CATSPERD: variants seen among roughly 807,000 people sequenced by gnomAD.
CATSPERD encodes catsper channel auxiliary subunit delta.
In CATSPERD, 86 loss-of-function variants were observed where a neutral mutation model predicts 98.1. The ratio of observed to expected loss-of-function variants is 0.88; its 90% CI spans 0.74 to 1.05. CATSPERD has a LOEUF of 1.05. CATSPERD is among the 50% of genes least tolerant of loss of function. The probability of loss-of-function intolerance (pLI) is 0.00; values close to 1 mark genes in which losing one functional copy is unlikely to be tolerated. For synonymous variants in CATSPERD, 394 were observed against 390.2 expected, an observed-to-expected ratio of 1.01 and a Z score of -0.12; for missense variants, 995 against 1,005.7, an observed-to-expected ratio of 0.99 and a Z score of 0.14.
At chr19:5,754,105 A>T (rs1431119343) in intron 12 of CATSPERD, 27 bp from the exon 13 acceptor site, 5 of 1,468,128 alleles carry the variant, frequency 3.4e-6, no homozygotes, top group Non-Finnish European at 4.8e-6. Context: ...GAGCATGATT[A>T]TCTTTCTTCT....
At chr19:5,742,798 AAAAG>A (rs1425702949) in intron 7 of CATSPERD, among the ~76,000 whole-genome samples, 5 of 151,996 alleles carry the variant, frequency 3.3e-5, no homozygotes, top group East Asian at 3.9e-4. Context: ...CAAAAAAAGA[AAAAG>A]AAAAGAAACT....
intron 20 of CATSPERD, among the ~76,000 whole-genome samples, 160 bp from the exon 21 acceptor site, chr19:5,776,001 A>G (rs997658785): frequency 1.3e-5 from 2 of 152,010 alleles, no homozygotes; most frequent in Non-Finnish European, 2.9e-5. Flanking sequence ...CTCTGCAGGG[A>G]GCATGAACCT....
At chr19:5,767,882 C>T (rs1187778524) in intron 17 of CATSPERD, among the ~76,000 whole-genome samples, 1 of 152,098 alleles carries the variant, frequency 6.6e-6, no homozygotes, top group South Asian at 2.1e-4. Flanking sequence ...TTGCAACCTC[C>T]GCCTCCCAGG....
At chr19:5,753,228 G>A (rs2056254471) in intron 12 of CATSPERD, among the ~76,000 whole-genome samples, 1 of 151,888 alleles carries the variant, frequency 6.6e-6, no homozygotes, top group Non-Finnish European at 1.5e-5. Flanking sequence ...ACTGAGTGAT[G>A]ATCTTCAGAT....
intron 16 of CATSPERD, among the ~76,000 whole-genome samples, chr19:5,764,445 A>G (rs1403543967): frequency 1.3e-5 from 2 of 150,838 alleles, no homozygotes; most frequent in East Asian, 3.9e-4. Flanking sequence ...CCTCCCGTGT[A>G]GCTGGGACTA....
intron 15 of CATSPERD, among the ~76,000 whole-genome samples, chr19:5,762,058 A>ATATATATATATTTTTTTTTTTT: frequency 9.6e-5 from 1 of 10,432 alleles, no homozygotes; most frequent in African/African-American, 3.3e-4. Context: ...ATATATATAT[A>ATATATATATATTTTTTTTTTTT]TTTTTTTTTT....
At chr19:5,726,563 G>A (rs2055607671) in intron 2 of CATSPERD, among the ~76,000 whole-genome samples, 3 of 151,384 alleles carry the variant, frequency 2.0e-5, no homozygotes, top group Admixed American at 6.6e-5. Flanking sequence ...TATGTTTTTT[G>A]TAGAGATGTG....
chr19:5,727,189 T>C, intron 2 of CATSPERD, 79 bp from the exon 3 acceptor site: 1 of 1,129,350 alleles, frequency 8.9e-7, no homozygotes, highest in Non-Finnish European at 1.3e-6. Flanking sequence ...AGCGAGACTC[T>C]TGTCTCAAAA....
At chr19:5,759,017 A>G (rs1021399610) in intron 14 of CATSPERD, 69 bp from the exon 15 acceptor site, 22 of 1,427,450 alleles carry the variant, frequency 1.5e-5, no homozygotes, top group Middle Eastern at 1.7e-4. Flanking sequence ...ATCTCTCCCA[A>G]TGTCCTGAGT....
Position 5,771,083 on chromosome 19 carries a change from AG to A in CATSPERD, c.1763+17del, listed in dbSNP as rs35250423. 8.1e-5 allele frequency: 130 copies of A among 1,610,846 alleles called. No individual in the cohort carries two copies. The highest frequency in any genetic ancestry group is 1.1e-4 in the Non-Finnish European group (125 of 1,178,674). Reference sequence around the variant, plus strand: ...GCCCGTGGTGGAGCTGTAAGACCCCAGGGGGGTGCTGCAGGGTGGGGACGGT... The same window carrying A: ...GCCCGTGGTGGAGCTGTAAGACCCCAGGGGGTGCTGCAGGGTGGGGACGGT... On this transcript the variant is annotated intron_variant, in intron 19 of 21. Transcript: ENST00000381624.
In CATSPERD at chr19:5,751,197, C is replaced by CAAAAA. The variant is rs556079596; in HGVS notation, c.988-409_988-405dup. ...CAGGCGACAGAACAAGATTCCGTCT[C>CAAAAA]AAAAAAAAAAAAAAAAAAAAAAAAA... On this transcript the variant is annotated intron_variant, in intron 11 of 21. Coordinates refer to ENST00000381624, the MANE Select transcript of CATSPERD (RefSeq NM_152784.4). Among the ~76,000 whole-genome samples the CAAAAA allele has an allele frequency of 9.7e-4, 45 of 46,622 alleles. 2 individuals carry two copies. Among genetic ancestry groups the CAAAAA allele is most frequent in the Non-Finnish European group, 1.3e-3 (34 of 25,854 alleles). 30.6% of individuals were successfully genotyped at this position (46,622 alleles called of 152,430 possible).
At chr19:5,726,932 G>A (rs59265668) in intron 2 of CATSPERD, among the ~76,000 whole-genome samples, 19,695 of 152,074 alleles carry the variant, frequency 0.13, 2,251 homozygotes, top group East Asian at 0.6. Context: ...GGTGGCTCAC[G>A]CCTGTAATCC....
chr19:5,753,487 C>T (rs546725649), intron 12 of CATSPERD: 37 of 230,800 alleles, frequency 1.6e-4, no homozygotes, highest in South Asian at 6.8e-4. Context: ...GCATGAACCC[C>T]GGAGGCAGAG....
chr19:5,748,973 A>AC (rs1360272006), intron 10 of CATSPERD, 128 bp from the exon 11 acceptor site: 2 of 602,250 alleles, frequency 3.3e-6, no homozygotes, highest in Non-Finnish European at 2.9e-6. Flanking sequence ...CAAGTGATCC[A>AC]CCCCCCTCGG....
intron 16 of CATSPERD, among the ~76,000 whole-genome samples, chr19:5,765,477 T>C (rs965762202): frequency 1.3e-5 from 2 of 151,972 alleles, no homozygotes; most frequent in Non-Finnish European, 2.9e-5. Flanking sequence ...TGCATTTTTT[T>C]CCCCATGCTC....
chr19:5,763,470 G>A (rs2056481096), intron 16 of CATSPERD, among the ~76,000 whole-genome samples, 177 bp downstream of exon 16: 1 of 152,102 alleles, frequency 6.6e-6, no homozygotes, highest in African/African-American at 2.4e-5. Flanking sequence ...AACATTGATG[G>A]CATAAAAAAA....
At chr19:5,729,769 T>A (rs955372357) in intron 3 of CATSPERD, 103 bp from the exon 4 acceptor site, 6 of 667,062 alleles carry the variant, frequency 9.0e-6, no homozygotes, top group Non-Finnish European at 1.6e-5. Flanking sequence ...CTGGTTACAA[T>A]ACAAATTTTG....
At chr19:5,731,633 T>C (rs1400902727) in intron 4 of CATSPERD, among the ~76,000 whole-genome samples, 1 of 122,728 alleles carries the variant, frequency 8.1e-6, no homozygotes, top group East Asian at 3.0e-4. Context: ...CGGACTGCAG[T>C]GGCGCAATCT....
chr19:5,767,866 A>T (rs1165902844), intron 17 of CATSPERD, among the ~76,000 whole-genome samples: 1 of 150,274 alleles, frequency 6.7e-6, no homozygotes, highest in African/African-American at 2.5e-5. Context: ...GTGCAATCTC[A>T]GCTCATTGCA....
Sources: gnomAD v4.1 joint callset for allele counts (sites outside exome capture counted in the v4.1 genomes callset) on GRCh38, gnomAD v4.1.1 for gene constraint, MANE v1.5 for transcripts, NCBI Gene and HGNC (gene_info 2026-07-23, HGNC 2026-07-21) for gene names.